The following SEZ6L variants were observed in gnomAD, a reference collection of about 807,000 sequenced individuals.
The protein encoded by SEZ6L is seizure related 6 homolog like, also known as seizure 6-like protein.
SEZ6L carries 37 observed loss-of-function variants against 106.2 expected under a neutral mutation model. That is an observed-to-expected ratio of 0.35 (90% CI 0.27 to 0.46). SEZ6L has a LOEUF of 0.46. Among genes scored for constraint, SEZ6L ranks in the 20% least tolerant of loss-of-function variants. The pLI, the probability that SEZ6L is intolerant of heterozygous loss-of-function variation, is 1.00. For missense variants in SEZ6L, 1,172 were observed against 1,332.8 expected (o/e 0.88, Z 1.88); for synonymous variants, 541 against 570.4 (o/e 0.95, Z 0.73).
intron 9 of SEZ6L, among the ~76,000 whole-genome samples, chr22:26,319,222 A>T (rs2145939651): frequency 6.6e-6 from 1 of 152,194 alleles, no homozygotes; most frequent in African/African-American, 2.4e-5. Context: ...AGCAGTTCTG[A>T]CACCTCCACT....
intron 1 of SEZ6L, among the ~76,000 whole-genome samples, chr22:26,228,146 G>A (rs1408842274): frequency 6.6e-6 from 1 of 152,178 alleles, no homozygotes; most frequent in Non-Finnish European, 1.5e-5. Context: ...ATGATTAAAT[G>A]AATATGCTTG....
At chr22:26,317,791 G>A (rs1430356894) in intron 9 of SEZ6L, among the ~76,000 whole-genome samples, 2 of 152,000 alleles carry the variant, frequency 1.3e-5, no homozygotes, top group African/African-American at 4.8e-5. Context: ...CCAGGAGAGA[G>A]GGCCCTCAGT....
At chr22:26,268,269 G>A (rs2080252135) in intron 1 of SEZ6L, among the ~76,000 whole-genome samples, 1 of 152,142 alleles carries the variant, frequency 6.6e-6, no homozygotes, top group African/African-American at 2.4e-5. Flanking sequence ...CTTTCTGAAG[G>A]AGATCACCCG....
intron 1 of SEZ6L, among the ~76,000 whole-genome samples, chr22:26,172,623 G>A (rs1426545476): frequency 1.3e-5 from 2 of 152,198 alleles, no homozygotes; most frequent in African/African-American, 2.4e-5. Flanking sequence ...GCAGAAGAGA[G>A]GGGAATTCTG....
At chr22:26,243,414 G>A (rs112862417) in intron 1 of SEZ6L, among the ~76,000 whole-genome samples, 9 of 152,212 alleles carry the variant, frequency 5.9e-5, no homozygotes, top group African/African-American at 1.7e-4. Flanking sequence ...AGAGAGCTGA[G>A]TGAATGAGGA....
chr22:26,372,232 C>T (rs952417337), intron 13 of SEZ6L, among the ~76,000 whole-genome samples: 1 of 152,154 alleles, frequency 6.6e-6, no homozygotes, highest in Non-Finnish European at 1.5e-5. Flanking sequence ...CTGACAAGTC[C>T]CAGGAATGGC....
intron 1 of SEZ6L, among the ~76,000 whole-genome samples, chr22:26,231,663 A>G (rs915232962): frequency 6.6e-6 from 1 of 152,110 alleles, no homozygotes; most frequent in East Asian, 1.9e-4. Context: ...TCAAGCTAAT[A>G]TCTCTGTGTC....
In SEZ6L at chr22:26,279,950, G is replaced by A. The variant is rs115019741; in HGVS notation, c.95-12456G>A. Among the ~76,000 whole-genome samples the A allele has an allele frequency of 9.5e-3, 1,447 of 152,178 alleles. 31 individuals carry two copies. Among genetic ancestry groups the A allele is most frequent in the African/African-American group, 0.033 (1,383 of 41,502 alleles). On this transcript the variant is annotated intron_variant, in intron 1 of 16. Coordinates refer to ENST00000248933, the MANE Select transcript of SEZ6L (RefSeq NM_021115.5). ...GGTGACAAAGGGAGTTAATTATTTC[G>A]TTTTTAATTATTGCTATAAAAATAG...
intron 1 of SEZ6L, among the ~76,000 whole-genome samples, chr22:26,269,860 G>T (rs985063175): frequency 6.6e-6 from 1 of 152,178 alleles, no homozygotes; most frequent in Non-Finnish European, 1.5e-5. Flanking sequence ...TGTTGTTCCA[G>T]CTATGGCCAA....
intron 11 of SEZ6L, among the ~76,000 whole-genome samples, chr22:26,348,705 G>GAAAGAAAGAAAGAAA (rs1481352357): frequency 2.1e-5 from 1 of 48,068 alleles, no homozygotes; most frequent in Non-Finnish European, 4.2e-5. Context: ...AAAGAAAGAA[G>GAAAGAAAGAAAGAAA]GCAAGGGAGG....
chr22:26,371,683 G>A (rs975490751), intron 13 of SEZ6L, among the ~76,000 whole-genome samples: 4 of 149,866 alleles, frequency 2.7e-5, no homozygotes, highest in African/African-American at 4.9e-5. Context: ...AAAAAAACAC[G>A]AAAAGATAAA....
At chr22:26,380,176 G>A (rs2084369376) in intron 16 of SEZ6L, 90 bp from the exon 17 acceptor site, 1 of 1,255,630 alleles carries the variant, frequency 8.0e-7, no homozygotes, top group Non-Finnish European at 1.2e-6. Context: ...CAAGGGCATG[G>A]ACATACAGAG....
intron 9 of SEZ6L, among the ~76,000 whole-genome samples, chr22:26,325,424 G>T (rs1217672196): frequency 6.6e-6 from 1 of 152,214 alleles, no homozygotes; most frequent in Non-Finnish European, 1.5e-5. Context: ...TACAGACGAG[G>T]AAACCGAGGC....
chr22:26,223,533 C>T, intron 1 of SEZ6L, among the ~76,000 whole-genome samples: 1 of 152,046 alleles, frequency 6.6e-6, no homozygotes, highest in African/African-American at 2.4e-5. Context: ...TGCTTGGGAG[C>T]TAAGAATGTG....
intron 1 of SEZ6L, among the ~76,000 whole-genome samples, chr22:26,240,110 A>ACACACACACACACG (rs1569410101): frequency 1.3e-5 from 2 of 150,732 alleles, no homozygotes; most frequent in Non-Finnish European, 3.0e-5. Flanking sequence ...ACACACACAC[A>ACACACACACACACG]CACACACACA....
intron 1 of SEZ6L, among the ~76,000 whole-genome samples, chr22:26,231,027 G>T (rs751690197): frequency 2.0e-5 from 3 of 152,204 alleles, no homozygotes; most frequent in Admixed American, 1.3e-4. Context: ...CTTTGCCTAG[G>T]AAAGAATTCA....
chr22:26,373,593 C>A, intron 14 of SEZ6L, 110 bp downstream of exon 14: 1 of 842,076 alleles, frequency 1.2e-6, no homozygotes, highest in Non-Finnish European at 1.8e-6. Context: ...TAAATAAATT[C>A]TACCTTCAGA....
chr22:26,356,566 C>T (rs1436265012), intron 12 of SEZ6L, among the ~76,000 whole-genome samples: 1 of 151,652 alleles, frequency 6.6e-6, no homozygotes, highest in Non-Finnish European at 1.5e-5. Context: ...CGCTGGAACC[C>T]GGGAGGCGGA....
chr22:26,295,628 C>T (rs778054196), intron 3 of SEZ6L, among the ~76,000 whole-genome samples: 5 of 152,048 alleles, frequency 3.3e-5, no homozygotes, highest in Non-Finnish European at 7.4e-5. Flanking sequence ...GCTTAAGAAC[C>T]CTTTCCTCCA....
Sources: gnomAD v4.1 joint callset for allele counts (sites outside exome capture counted in the v4.1 genomes callset) on GRCh38, gnomAD v4.1.1 for gene constraint, MANE v1.5 for transcripts, NCBI Gene and HGNC (gene_info 2026-07-23, HGNC 2026-07-21) for gene names.